Variants in MGLL observed in about 807,000 individuals in gnomAD.
MGLL encodes monoglyceride lipase.
MGLL carries 7 observed loss-of-function variants against 29.1 expected under a neutral mutation model. That is an observed-to-expected ratio of 0.24 (90% CI 0.14 to 0.45). MGLL has a LOEUF of 0.45. Among genes scored for constraint, MGLL ranks in the 20% least tolerant of loss-of-function variants. The pLI is 0.99. For synonymous variants in MGLL, 148 were observed against 168.3 expected, an observed-to-expected ratio of 0.88 and a Z score of 0.93; for missense variants, 356 against 413.6, an observed-to-expected ratio of 0.86 and a Z score of 1.21.
At chr3:127,774,181 G>A (rs529680531) in intron 3 of MGLL, among the ~76,000 whole-genome samples, 4 of 152,266 alleles carry the variant, frequency 2.6e-5, no homozygotes, top group South Asian at 2.1e-4. Context: ...GCTTGCTGGC[G>A]ACCTGAGAGC....
intron 2 of MGLL, among the ~76,000 whole-genome samples, chr3:127,814,234 G>T (rs547770660): frequency 6.6e-6 from 1 of 152,308 alleles, no homozygotes; most frequent in South Asian, 2.1e-4. Context: ...TGGGGCAGCT[G>T]CAAGTGTAGG....
intron 3 of MGLL, among the ~76,000 whole-genome samples, chr3:127,774,540 G>A (rs973027087): frequency 1.3e-5 from 2 of 152,208 alleles, no homozygotes; most frequent in Non-Finnish European, 2.9e-5. Context: ...ATATTTCCCT[G>A]TTCAATTTCA....
chr3:127,695,902 C>T (rs1159358081), intron 6 of MGLL, among the ~76,000 whole-genome samples: 1 of 152,168 alleles, frequency 6.6e-6, no homozygotes, highest in Non-Finnish European at 1.5e-5. Context: ...ATTTGGTGTC[C>T]ACCTGGTGGA....
intron 6 of MGLL, among the ~76,000 whole-genome samples, chr3:127,706,730 G>A (rs983666237): frequency 9.9e-5 from 15 of 152,146 alleles, no homozygotes; most frequent in African/African-American, 3.6e-4. Context: ...AGTGATGAAC[G>A]ATAGAGAGCC....
At chr3:127,693,276 C>A (rs2075282372) in intron 7 of MGLL, among the ~76,000 whole-genome samples, 1 of 152,208 alleles carries the variant, frequency 6.6e-6, no homozygotes, top group South Asian at 2.1e-4. Flanking sequence ...GCTTGACCTG[C>A]CTTGGTTGTC....
chr3:127,746,673 G>T (rs575227516), intron 3 of MGLL, among the ~76,000 whole-genome samples: 1 of 152,004 alleles, frequency 6.6e-6, no homozygotes, highest in East Asian at 1.9e-4. Context: ...CCACTCTTCC[G>T]TCTCCCTCTG....
chr3:127,794,609 G>T lies in MGLL; in HGVS notation c.156-12714C>A, dbSNP rs116566809. Among the ~76,000 whole-genome samples the T allele has an allele frequency of 2.3e-3, 351 of 152,124 alleles. 7 individuals are homozygous for T. The highest frequency in any genetic ancestry group is 8.1e-3 in the African/African-American group (336 of 41,516). On this transcript the variant is annotated intron_variant, in intron 2 of 7. Coordinates refer to ENST00000265052, the MANE Select transcript of MGLL (RefSeq NM_007283.7). Reference sequence around the variant, plus strand: ...GTCAGACCGTCTTCTGTGATGTAAGGCTATCTTCTGTGATGTCAGGCTGTC... The same window carrying T: ...GTCAGACCGTCTTCTGTGATGTAAGTCTATCTTCTGTGATGTCAGGCTGTC...
At chr3:127,766,882 C>A (rs924353566) in intron 3 of MGLL, among the ~76,000 whole-genome samples, 1 of 152,032 alleles carries the variant, frequency 6.6e-6, no homozygotes, top group Non-Finnish European at 1.5e-5. Flanking sequence ...ACCAGCCTGG[C>A]CAACATGGCG....
At chr3:127,699,769 T>C (rs1443252737) in intron 6 of MGLL, among the ~76,000 whole-genome samples, 1 of 152,192 alleles carries the variant, frequency 6.6e-6, no homozygotes, top group Non-Finnish European at 1.5e-5. Flanking sequence ...AAGGCAGGAA[T>C]GGTCCCTGAT....
At chr3:127,822,260 A>G (rs767824782) in intron 1 of MGLL, 49 bp downstream of exon 1, 1 of 1,578,640 alleles carries the variant, frequency 6.3e-7, no homozygotes, top group Non-Finnish European at 8.7e-7. Flanking sequence ...GAGGTGGATG[A>G]TACTCAGATT....
At chr3:127,819,899 C>T (rs1052769060) in intron 2 of MGLL, among the ~76,000 whole-genome samples, 6 of 152,136 alleles carry the variant, frequency 3.9e-5, no homozygotes, top group African/African-American at 1.4e-4. Flanking sequence ...TAACATGAGT[C>T]ATGGCAAGGG....
intron 2 of MGLL, 91 bp from the exon 3 acceptor site, chr3:127,781,986 C>T (rs2077135422): frequency 5.1e-6 from 6 of 1,183,302 alleles, no homozygotes; most frequent in African/African-American, 1.5e-5. Flanking sequence ...TTTGGGAGGC[C>T]GGGGCGGGCG....
intron 2 of MGLL, among the ~76,000 whole-genome samples, chr3:127,792,528 C>A (rs1421926059): frequency 1.3e-5 from 2 of 152,100 alleles, no homozygotes; most frequent in African/African-American, 2.4e-5. Flanking sequence ...ATGGTGAAAC[C>A]CCGTTCTCTA....
At chr3:127,737,690 G>A (rs868705780) in intron 3 of MGLL, among the ~76,000 whole-genome samples, 1 of 122,350 alleles carries the variant, frequency 8.2e-6, no homozygotes, top group South Asian at 2.6e-4. Context: ...TCTTGCCCAG[G>A]CTGGAGTGCA....
intron 6 of MGLL, among the ~76,000 whole-genome samples, chr3:127,698,615 T>G (rs2075418920): frequency 6.6e-6 from 1 of 152,070 alleles, no homozygotes; most frequent in African/African-American, 2.4e-5. Flanking sequence ...GGGATGCAGC[T>G]GCAAAAGGGC....
chr3:127,701,775 C>T (rs1346351031), intron 6 of MGLL, among the ~76,000 whole-genome samples: 4 of 152,212 alleles, frequency 2.6e-5, no homozygotes, highest in South Asian at 2.1e-4. Flanking sequence ...ATGTGCTTGT[C>T]GTCTGCACTA....
chr3:127,792,046 C>A (rs1455167112), intron 2 of MGLL, among the ~76,000 whole-genome samples: 1 of 152,198 alleles, frequency 6.6e-6, no homozygotes, highest in South Asian at 2.1e-4. Context: ...CCAGCCTGGG[C>A]GACAGAGCGA....
chr3:127,819,029 C>T (rs970492859), intron 2 of MGLL, among the ~76,000 whole-genome samples: 3 of 152,194 alleles, frequency 2.0e-5, no homozygotes, highest in Non-Finnish European at 4.4e-5. Context: ...AATACGGAGA[C>T]TCTGGCCTGC....
chr3:127,746,431 C>G (rs1015075813), intron 3 of MGLL, among the ~76,000 whole-genome samples: 1 of 152,140 alleles, frequency 6.6e-6, no homozygotes, highest in East Asian at 1.9e-4. Flanking sequence ...CACCCTGCCA[C>G]GATCTTCCCT....
Sources: allele counts gnomAD v4.1 joint callset (sites outside exome capture counted in the v4.1 genomes callset), GRCh38; gene constraint gnomAD v4.1.1; transcripts MANE v1.5; gene names NCBI Gene and HGNC (gene_info 2026-07-23, HGNC 2026-07-21).